ACACB: variants seen among roughly 807,000 people sequenced by gnomAD.
ACACB encodes acetyl-CoA carboxylase 2.
In ACACB, 209 loss-of-function variants were observed where a neutral mutation model predicts 278.8. That is an observed-to-expected ratio of 0.75 (90% CI 0.67 to 0.84). The LOEUF is 0.84. Among genes scored for constraint, ACACB ranks in the 40% least tolerant of loss-of-function variants. The pLI is 0.00. For synonymous variants in ACACB, 1,174 were observed against 1,285.6 expected (o/e 0.91, Z 1.86); for missense variants, 2,850 against 3,269.0 (o/e 0.87, Z 3.13).
chr12:109,252,110 T>A lies in ACACB; in HGVS notation c.5855T>A (p.Val1952Glu). 1 of 1,613,436 alleles carries A rather than the reference T, an allele frequency of 6.2e-7. No homozygotes were observed. The highest frequency in any genetic ancestry group is 8.5e-7 in the Non-Finnish European group (1 of 1,179,782). ...LVRLGQRVIQ[V>E]ENSHIILTGA... is the part of the protein sequence containing the mutation. ...AGGCTGGGCCAGCGAGTGATCCAGG[T>A]GGAGAATTCCCACATCATCCTCACA... The change falls in exon 42 of 53, where the codon GTG (valine) becomes GAG (glutamate). Residue 1952 changes from valine to glutamate, a missense_variant. Physicochemically the swap from Val to Glu is moderately radical, Grantham distance 121. Transcript: ENST00000338432.
At chr12:109,123,247 CT>C (rs376495221) in intron 1 of ACACB, among the ~76,000 whole-genome samples, 13 of 152,010 alleles carry the variant, frequency 8.6e-5, no homozygotes, top group African/African-American at 2.7e-4. Flanking sequence ...CCATATACCC[CT>C]GATTAGATTC....
At chr12:109,173,300 A>G (rs2044177127) in intron 6 of ACACB, among the ~76,000 whole-genome samples, 1 of 152,220 alleles carries the variant, frequency 6.6e-6, no homozygotes, top group Non-Finnish European at 1.5e-5. Context: ...ACATGTAATT[A>G]TGTCCATGTC....
At chr12:109,251,185 G>A (rs1364534599) in intron 41 of ACACB, among the ~76,000 whole-genome samples, 1 of 152,184 alleles carries the variant, frequency 6.6e-6, no homozygotes, top group East Asian at 1.9e-4. Context: ...TGGGGAAGCT[G>A]CTTATCACTA....
chr12:109,252,539 T>C (rs2047124830), intron 42 of ACACB: 1 of 174,100 alleles, frequency 5.7e-6, no homozygotes, highest in Non-Finnish European at 1.2e-5. Flanking sequence ...TTTTGTATTC[T>C]ACTTTTTTCA....
At chr12:109,146,985 A>C (rs1371180593) in intron 2 of ACACB, among the ~76,000 whole-genome samples, 2 of 151,798 alleles carry the variant, frequency 1.3e-5, no homozygotes, top group African/African-American at 4.8e-5. Flanking sequence ...CCAAATTCAC[A>C]ATAATTTTTC....
At chr12:109,133,923 T>C (rs2042907254) in intron 1 of ACACB, among the ~76,000 whole-genome samples, 1 of 147,342 alleles carries the variant, frequency 6.8e-6, no homozygotes, top group Non-Finnish European at 1.5e-5. Context: ...TCATTTGTTT[T>C]GTTTTGTTTT....
chr12:109,137,944 G>A (rs2043009443), intron 1 of ACACB, among the ~76,000 whole-genome samples: 1 of 151,628 alleles, frequency 6.6e-6, no homozygotes, highest in South Asian at 2.1e-4. Flanking sequence ...TGTTGCCCGG[G>A]CTGGAATGCA....
At chr12:109,246,866 A>G (rs2046961699) in intron 39 of ACACB, among the ~76,000 whole-genome samples, 1 of 152,206 alleles carries the variant, frequency 6.6e-6, no homozygotes. Flanking sequence ...CCAGGAATTC[A>G]TGACCAAGCT....
chr12:109,194,189 T>TTG (rs2045009158), intron 16 of ACACB, among the ~76,000 whole-genome samples: 7 of 150,366 alleles, frequency 4.7e-5, no homozygotes, highest in South Asian at 2.1e-4. Context: ...GTTTTTTTTT[T>TTG]TTGTTGTTGT....
intron 11 of ACACB, among the ~76,000 whole-genome samples, chr12:109,181,496 A>G (rs1431856932): frequency 9.2e-5 from 14 of 152,088 alleles, no homozygotes; most frequent in Non-Finnish European, 1.5e-5. Flanking sequence ...CCAAAGTGCT[A>G]GGATTACAGG....
upstream of ACACB, chr12:109,116,448 G>T (rs1211438532): frequency 6.6e-6 from 1 of 152,220 alleles, no homozygotes; most frequent in Non-Finnish European, 1.5e-5. Context: ...CCCAGGAGTA[G>T]CCAGGGCTGC....
At chr12:109,242,328 A>T in intron 36 of ACACB, 109 bp from the exon 37 acceptor site, 1 of 1,256,008 alleles carries the variant, frequency 8.0e-7, no homozygotes, top group Non-Finnish European at 1.1e-6. Context: ...ATGCCATGTG[A>T]CATGCTTTGC....
chr12:109,210,405 GCA>G (rs781230692), intron 21 of ACACB, among the ~76,000 whole-genome samples: 5 of 137,746 alleles, frequency 3.6e-5, no homozygotes, highest in Admixed American at 1.4e-4. Flanking sequence ...GTATATACAC[GCA>G]CACACATGTG....
rs1452716081 is a variant in ACACB, at chr12:109,179,153, G to A, written c.1503G>A (p.Leu501=). The change falls in exon 10 of 53, where the codon CTG becomes CTA. Residue 501 remains leucine (L), a synonymous_variant. Coordinates refer to ENST00000338432, the MANE Select transcript of ACACB (RefSeq NM_001093.4). ...LMKLAQHARH[L]EVQILADQYG... is the part of the protein sequence containing the mutation. ...AGCTGGCCCAGCACGCCCGTCACCT[G>A]GAAGTTCAGATCCTCGCTGACCAGT... 1 of 1,614,084 alleles carries A rather than the reference G, an allele frequency of 6.2e-7. No homozygotes were observed. Among genetic ancestry groups the A allele is most frequent in the East Asian group, 2.2e-5 (1 of 44,874 alleles).
intron 2 of ACACB, among the ~76,000 whole-genome samples, chr12:109,164,924 A>G (rs569595223): frequency 3.6e-4 from 55 of 151,928 alleles, no homozygotes; most frequent in Admixed American, 3.2e-3. Flanking sequence ...GATGTCTTCC[A>G]CTGAAACCAG....
intron 49 of ACACB, 55 bp from the exon 50 acceptor site, chr12:109,264,177 C>T (rs2047451428): frequency 3.8e-6 from 6 of 1,572,250 alleles, no homozygotes; most frequent in Non-Finnish European, 5.2e-6. Context: ...AAATCTCCAC[C>T]CCATCACATA....
chr12:109,193,578 A>T, intron 15 of ACACB, 70 bp from the exon 16 acceptor site: 1 of 1,296,872 alleles, frequency 7.7e-7, no homozygotes, highest in South Asian at 1.2e-5. Context: ...TAATTTTTTT[A>T]AATGCAAGGG....
chr12:109,114,799 C>T (rs2135913500), upstream of ACACB, among the ~76,000 whole-genome samples: 1 of 152,050 alleles, frequency 6.6e-6, no homozygotes, highest in East Asian at 1.9e-4. Flanking sequence ...CTGCAGTGAG[C>T]TATGATCATG....
At chr12:109,204,870 A>G (rs950635189) in intron 19 of ACACB, among the ~76,000 whole-genome samples, 4 of 151,784 alleles carry the variant, frequency 2.6e-5, no homozygotes, top group African/African-American at 7.3e-5. Context: ...TTTTTGAGAC[A>G]GAGTCTCACT....
Sources: gnomAD v4.1 joint callset for allele counts (sites outside exome capture counted in the v4.1 genomes callset) on GRCh38, gnomAD v4.1.1 for gene constraint, MANE v1.5 for transcripts, NCBI Gene and HGNC (gene_info 2026-07-23, HGNC 2026-07-21) for gene names.